The following HSPG2 variants were observed in gnomAD, a reference collection of about 807,000 sequenced individuals.
HSPG2 encodes heparan sulfate proteoglycan 2.
Under a neutral mutation model 526.6 loss-of-function variants are expected in HSPG2, and 278 were observed. That is an observed-to-expected ratio of 0.53 (90% CI 0.48 to 0.58). The LOEUF is 0.58. Ranked by LOEUF, HSPG2 falls within the 20% of genes least tolerant of loss-of-function variation. The probability of loss-of-function intolerance (pLI) is 0.00; values close to 1 mark genes in which losing one functional copy is unlikely to be tolerated. For missense variants in HSPG2, 5,354 were observed against 6,099.5 expected (o/e 0.88, Z 4.07); for synonymous variants, 2,465 against 2,555.4 (o/e 0.96, Z 1.07).
At chr1:21,842,216 C>T (rs1255935353) in intron 68 of HSPG2, 23 bp downstream of exon 68, 4 of 1,612,978 alleles carry the variant, frequency 2.5e-6, no homozygotes, top group Admixed American at 1.7e-5. Flanking sequence ...TCCCCCCTTG[C>T]CCATGGCATC....
At position 21,864,899 on chromosome 1, in the gene HSPG2, C is replaced by T. The variant is rs757196466; in HGVS notation, c.4570G>A (p.Ala1524Thr). The T allele has an allele frequency of 2.8e-5, 45 of 1,610,324 alleles. No individual in the cohort carries two copies. The highest frequency in any genetic ancestry group is 1.7e-4 in the Middle Eastern group (1 of 6,060). The change falls in exon 36 of 97, where the codon GCC (alanine) becomes ACC (threonine). Residue 1524 changes from alanine (A) to threonine (T), a missense_variant. Physicochemically the swap from Ala to Thr is moderately conservative, Grantham distance 58 (BLOSUM62 0). Coordinates refer to ENST00000374695, the MANE Select transcript of HSPG2 (RefSeq NM_005529.7). The surrounding 1 kb of genome is among the most constrained non-coding windows in gnomAD (Gnocchi z 4.8). ...AQPGPSNRPRALEVEECRCPP... is the reference protein window; with the variant it reads ...AQPGPSNRPRTLEVEECRCPP... ...CAGCGGCACTCCTCCACCTCGAGGG[C>T]GCGGGGTCTGTTTGAGGGCCCCGGC... is the stretch of plus-strand genomic sequence containing the variant.
At position 21,831,244 on chromosome 1, in the gene HSPG2, A is replaced by G; in HGVS notation, c.11533T>C (p.Cys3845Arg). ...CAGGGCCGGTCCCGACAGGTGGGGCAGTGGGAGATGCCGTGCGCCGTGAGG... is the reference window on the plus strand; with the variant it reads ...CAGGGCCGGTCCCGACAGGTGGGGCGGTGGGAGATGCCGTGCGCCGTGAGG... ...LNLTAHGISH[C>R]PTCRDRPCQN... The change falls in exon 84 of 97, where the codon TGC becomes CGC. Residue 3845 changes from cysteine (C) to arginine (R), a missense_variant. Physicochemically the swap from Cys to Arg is radical, Grantham distance 180 (BLOSUM62 -3). Coordinates refer to ENST00000374695, the MANE Select transcript of HSPG2 (RefSeq NM_005529.7). The G allele has an allele frequency of 6.2e-7, 1 of 1,613,992 alleles. No homozygotes were observed. The highest frequency in any genetic ancestry group is 1.6e-4 in the Middle Eastern group (1 of 6,062).
In HSPG2 at chr1:21,879,133, A is replaced by G. The variant is rs1213988171; in HGVS notation, c.2344-12T>C. ...TTGTGCTGGCAATTCTAGAAGAAGG[A>G]GGAGGGTATGGCTCAACTTCTAGAG... On this transcript the variant is annotated splice_polypyrimidine_tract_variant and intron_variant, in intron 17 of 96. Transcript: ENST00000374695. The G allele has an allele frequency of 1.2e-6, 2 of 1,614,146 alleles. No individual in the cohort carries two copies. Among genetic ancestry groups the G allele is most frequent in the Non-Finnish European group, 1.7e-6 (2 of 1,180,010 alleles).
rs368204073 is a variant in HSPG2 at position 21,830,971 on chromosome 1, G to T, written c.11671+11C>A. ...CCTGGGGCGACAGCGACTGGCGGTC[G>T]GGGTGCGTACCTGGATGGCAGTGCA... On this transcript the variant is annotated intron_variant, in intron 85 of 96. Transcript: ENST00000374695. 1.9e-6 allele frequency: 3 copies of T among 1,556,778 alleles called. No individual in the cohort carries two copies. The highest frequency in any genetic ancestry group is 2.3e-5 in the East Asian group (1 of 43,118).
At position 21,885,332 on chromosome 1, in the gene HSPG2, C is replaced by G. The variant is rs761234592; in HGVS notation, c.1198G>C (p.Glu400Gln). Residue 400 changes from glutamate (E) to glutamine (Q), a missense_variant, in exon 10 of 97, where the codon GAG becomes CAG. Physicochemically the swap from Glu to Gln is conservative, Grantham distance 29 (BLOSUM62 2). Coordinates refer to ENST00000374695, the MANE Select transcript of HSPG2 (RefSeq NM_005529.7). ...EESDCPDRSD[E>Q]FGCMPPQVVT... ...GCTCCCTGCTCACTGCAGCCAAACT[C>G]GTCGCTCCGGTCAGGACAGTCGCTC... 3 of 1,613,916 alleles carry G rather than the reference C, an allele frequency of 1.9e-6. No homozygotes were observed. The highest frequency in any genetic ancestry group is 2.5e-6 in the Non-Finnish European group (3 of 1,180,010).
intron 1 of HSPG2, among the ~76,000 whole-genome samples, chr1:21,924,521 A>G (rs1458810198): frequency 6.6e-6 from 1 of 151,874 alleles, no homozygotes; most frequent in African/African-American, 2.4e-5. Flanking sequence ...TTCTCCAAGA[A>G]CTCAGGGTCC....
chr1:21,828,208 G>T lies in HSPG2; in HGVS notation c.12409+47C>A. On this transcript the variant is annotated intron_variant, in intron 89 of 96. Transcript: ENST00000374695. This position sits in a 1 kb window ranked among gnomAD's most constrained non-coding sequence, Gnocchi z 6.0. ...GTGGGCATGGGCTGGAGGTGTCGCTGACCACCTGTGCCCCTCCCCTCCGGT... is the reference window on the plus strand; with the variant it reads ...GTGGGCATGGGCTGGAGGTGTCGCTTACCACCTGTGCCCCTCCCCTCCGGT... The T allele has an allele frequency of 6.2e-7, 1 of 1,612,852 alleles. No individual in the cohort carries two copies. Among genetic ancestry groups the T allele is most frequent in the South Asian group, 1.1e-5 (1 of 91,048 alleles).
Position 21,828,761 on chromosome 1 carries a change from T to G in HSPG2, c.12237+74A>C. 1.3e-6 allele frequency: 2 copies of G among 1,544,570 alleles called. No homozygotes were observed. The highest frequency in any genetic ancestry group is 1.7e-6 in the Non-Finnish European group (2 of 1,144,860). On this transcript the variant is annotated intron_variant, in intron 88 of 96. Transcript: ENST00000374695. The surrounding 1 kb of genome is among the most constrained non-coding windows in gnomAD (Gnocchi z 6.0). ...CAGGTGGAGGGGCCCAATGCCAAGG[T>G]GCTTGGAGAGCCGAGGGGGACACAA...
At position 21,822,525 on chromosome 1, in the gene HSPG2, C is replaced by CCTTCA. The variant is rs2097954503; in HGVS notation, c.*786_*790dup. ...GTTGTCTGTTGGAGGAGTCCCTGGG[C>CCTTCA]CTTCACTTCCAGATGGGTGGGGATG... is the stretch of plus-strand genomic sequence containing the variant. On this transcript the variant is annotated 3_prime_UTR_variant, in exon 97 of 97. Transcript: ENST00000374695. 3 of 399,440 alleles carry CCTTCA rather than the reference C, an allele frequency of 7.5e-6. No homozygotes were observed. The highest frequency in any genetic ancestry group is 6.1e-5 in the African/African-American group (3 of 49,308). The allele number at this position is 399,440 out of a possible 1,614,324, so 24.7% of individuals were successfully genotyped here.
chr1:21,916,891 T>A (rs975981096), intron 1 of HSPG2, among the ~76,000 whole-genome samples: 2 of 152,210 alleles, frequency 1.3e-5, no homozygotes, highest in Non-Finnish European at 2.9e-5. Context: ...GCTGCACAGC[T>A]GTAGGCTGCA....
Position 21,822,398 on chromosome 1 carries a change from C to T in HSPG2, c.*918G>A, listed in dbSNP as rs571768232. 1.7e-5 allele frequency: 11 copies of T among 635,392 alleles called. No individual in the cohort carries two copies. The East Asian group carries it at 2.2e-4, about 13-fold the overall frequency. The allele number at this position is 635,392 out of a possible 1,614,324, so 39.4% of individuals were successfully genotyped here. A position where few individuals can be genotyped will look rare whatever the true frequency, so the allele number is the denominator to read the frequency against. The stretch of plus-strand genomic sequence containing the variant: ...GATCTTCAGGCTCCTGCAGATGGGG[C>T]AGGGTGGTCATATCCCCCTCCTCTC... On this transcript the variant is annotated 3_prime_UTR_variant, in exon 97 of 97. Coordinates refer to ENST00000374695, the MANE Select transcript of HSPG2 (RefSeq NM_005529.7).
chr1:21,847,437 T>G lies in HSPG2; in HGVS notation c.8081A>C (p.Tyr2694Ser), dbSNP rs1256254703. ...GATGTTGTTGTTGGCCCGGCACACA[T>G]ACTCGCCCGAGTCAGCCACAGACAT... ...HQMSVADSGE[Y>S]VCRANNNIDA... Residue 2694 changes from tyrosine to serine, a missense_variant, in exon 62 of 97, where the codon TAT (tyrosine) becomes TCT (serine). Physicochemically the swap from Tyr to Ser is moderately radical, Grantham distance 144. Transcript: ENST00000374695. This position sits in a 1 kb window ranked among gnomAD's most constrained non-coding sequence, Gnocchi z 4.1. 6.2e-7 allele frequency: 1 copy of G among 1,613,880 alleles called. No homozygotes were observed. The highest frequency in any genetic ancestry group is 8.5e-7 in the Non-Finnish European group (1 of 1,180,014).
In HSPG2 at chr1:21,878,643, A is replaced by G. The variant is rs1178680801; in HGVS notation, c.2492T>C (p.Leu831Pro). 1 of 1,614,154 alleles carries G rather than the reference A, an allele frequency of 6.2e-7. No individual in the cohort carries two copies. Among genetic ancestry groups the G allele is most frequent in the Non-Finnish European group, 8.5e-7 (1 of 1,180,012 alleles). The change falls in exon 19 of 97, where the codon CTG becomes CCG. Residue 831 changes from leucine to proline, a missense_variant. Coordinates refer to ENST00000374695, the MANE Select transcript of HSPG2 (RefSeq NM_005529.7). ...ASRRFSDTCF[L>P]DTDGQATCDA... Reference sequence around the variant, plus strand: ...ACATGTGGCTTGGCCATCCGTGTCCAGGAAGCAAGTGTCTGAGAATCTGCA... The same window carrying G: ...ACATGTGGCTTGGCCATCCGTGTCCGGGAAGCAAGTGTCTGAGAATCTGCA...
rs1642523801 is a variant in HSPG2, at chr1:21,893,617, G to T, written c.244+2305C>A. On this transcript the variant is annotated intron_variant, in intron 3 of 96. Transcript: ENST00000374695. The surrounding 1 kb of genome is among the most constrained non-coding windows in gnomAD (Gnocchi z 4.3). Reference sequence around the variant, plus strand: ...GAGGGGACTCCTCATCAGGCTCCGAGACCATCATGCCAGCCACGGGCGGGC... The same window carrying T: ...GAGGGGACTCCTCATCAGGCTCCGATACCATCATGCCAGCCACGGGCGGGC... Among the ~76,000 whole-genome samples the T allele has an allele frequency of 6.6e-6, 1 of 152,088 alleles. No individual in the cohort carries two copies. The highest frequency in any genetic ancestry group is 1.9e-4 in the East Asian group (1 of 5,168).
chr1:21,884,367 TC>T (rs1304780014), intron 13 of HSPG2, among the ~76,000 whole-genome samples, 160 bp downstream of exon 13: 2 of 152,072 alleles, frequency 1.3e-5, no homozygotes, highest in Non-Finnish European at 2.9e-5. Flanking sequence ...ATCTTGGTTT[TC>T]CCCCCGAAAT....
At chr1:21,842,496 G>A (rs2098053104) in intron 67 of HSPG2, 116 bp from the exon 68 acceptor site, 2 of 1,229,700 alleles carry the variant, frequency 1.6e-6, no homozygotes, top group African/African-American at 1.5e-5. Flanking sequence ...GTCTCAGCTG[G>A]TAGGGCTGGT....
chr1:21,913,116 C>A (rs1643757628), intron 1 of HSPG2, among the ~76,000 whole-genome samples: 1 of 152,160 alleles, frequency 6.6e-6, no homozygotes, highest in Admixed American at 6.5e-5. Flanking sequence ...TGGTTCCTAA[C>A]AAAGGGTCAT....
In HSPG2 at chr1:21,855,402, C is replaced by T. The variant is rs2229475; in HGVS notation, c.5899G>A (p.Val1967Ile). Residue 1967 changes from valine (V) to isoleucine (I), a missense_variant, in exon 47 of 97, where the codon GTC becomes ATC. By Grantham distance (29) the Val-to-Ile change is conservative. Transcript: ENST00000374695. The part of the protein sequence containing the change: ...RVQVSPERTQ[V>I]HAGRTVRLYC... Reference sequence around the variant, plus strand: ...AGCCTGACGGTGCGGCCTGCGTGGACCTGGGTCCTCTCTGGGCTCACTTGG... The same window carrying T: ...AGCCTGACGGTGCGGCCTGCGTGGATCTGGGTCCTCTCTGGGCTCACTTGG... 0.056 allele frequency: 90,814 copies of T among 1,612,996 alleles called. 3,058 individuals carry two copies. Among genetic ancestry groups the T allele is most frequent in the South Asian group, 0.11 (9,895 of 90,860 alleles).
chr1:21,833,776 C>T (rs1307592294), intron 78 of HSPG2, 40 bp downstream of exon 78: 10 of 1,525,010 alleles, frequency 6.6e-6, no homozygotes, highest in East Asian at 2.4e-5. Flanking sequence ...CTGTTCCCAG[C>T]CCCCAAGTCA....
Sources: gnomAD v4.1 joint callset for allele counts (sites outside exome capture counted in the v4.1 genomes callset) on GRCh38, gnomAD v4.1.1 for gene constraint, Gnocchi (gnomAD v3.1) non-coding constraint, MANE v1.5 for transcripts, NCBI Gene and HGNC (gene_info 2026-07-23, HGNC 2026-07-21) for gene names.